Variants in GRIN2D observed in about 807,000 individuals in gnomAD.
GRIN2D encodes the protein glutamate receptor ionotropic, NMDA 2D.
GRIN2D carries 37 observed loss-of-function variants against 103.2 expected under a neutral mutation model. The observed-to-expected ratio is 0.36, with a 90% CI of 0.28 to 0.47. The LOEUF (loss-of-function observed/expected upper bound fraction) is 0.47, where lower values mean the gene tolerates loss of function less well. Ranked by LOEUF, GRIN2D falls within the 20% of genes least tolerant of loss-of-function variation. The pLI is 1.00. For synonymous variants in GRIN2D, 845 were observed against 885.6 expected (o/e 0.95, Z 0.81); for missense variants, 1,557 against 1,910.6 (o/e 0.81, Z 3.45).
At position 48,435,125 on chromosome 19, in the gene GRIN2D, G is replaced by C. The variant is rs4009665; in HGVS notation, c.2253-6644G>C. On this transcript the variant is annotated intron_variant, in intron 11 of 13. Transcript: ENST00000263269. Reference sequence around the variant, plus strand: ...GTGGCTTACACAACAGAAATGTATCGCCCCACAGTTGTAGAGGCTAGAAGG... The same window carrying C: ...GTGGCTTACACAACAGAAATGTATCCCCCCACAGTTGTAGAGGCTAGAAGG... 4.3e-3 allele frequency among the ~76,000 whole-genome samples: 654 copies of C among 152,000 alleles called. 10 individuals carry two copies. The highest frequency in any genetic ancestry group is 0.015 in the African/African-American group (634 of 41,452).
At chr19:48,397,381 C>T (rs537042877) in intron 2 of GRIN2D, among the ~76,000 whole-genome samples, 79 of 152,232 alleles carry the variant, frequency 5.2e-4, no homozygotes, top group Non-Finnish European at 9.1e-4. Flanking sequence ...CACTCGCCTT[C>T]CCCGCCTTAC....
At chr19:48,408,333 C>CA (rs35238683) in intron 4 of GRIN2D, among the ~76,000 whole-genome samples, 4,509 of 95,540 alleles carry the variant, frequency 0.047, 130 homozygotes, top group Middle Eastern at 0.1. Flanking sequence ...GACTCCATCT[C>CA]AAAAAAAAAA....
In GRIN2D at chr19:48,404,874, C is replaced by G. The variant is rs1352381286; in HGVS notation, c.606C>G (p.Ser202=). 1 of 1,614,216 alleles carries G rather than the reference C, an allele frequency of 6.2e-7. No homozygotes were observed. The highest frequency in any genetic ancestry group is 1.1e-5 in the South Asian group (1 of 91,090). The change falls in exon 4 of 14, where the codon TCC becomes TCG. Residue 202 remains serine (S), a synonymous_variant. Coordinates refer to ENST00000263269, the MANE Select transcript of GRIN2D (RefSeq NM_000836.4). ...CCCCTGGCCACCGGGCCTTCCTGTC[C>G]TACATTGAGGTGCTGACTGACGGTA... ...TRAPGHRAFL[S]YIEVLTDGSL...
chr19:48,409,431 C>A (rs180982729), intron 4 of GRIN2D, among the ~76,000 whole-genome samples: 1 of 152,030 alleles, frequency 6.6e-6, no homozygotes, highest in African/African-American at 2.4e-5. Context: ...GTGCCTGCCA[C>A]CACACCTGGC....
At chr19:48,415,577 AAGGGGG>A (rs1970937255) in intron 7 of GRIN2D, among the ~76,000 whole-genome samples, 1 of 106,530 alleles carries the variant, frequency 9.4e-6, no homozygotes, top group Non-Finnish European at 1.9e-5. Flanking sequence ...CTCCTAGGGG[AAGGGGG>A]CAGGGCTGGG....
In GRIN2D at chr19:48,404,995, A is replaced by G. The variant is rs1368886742; in HGVS notation, c.727A>G (p.Ile243Val). 1 of 1,612,376 alleles carries G rather than the reference A, an allele frequency of 6.2e-7. No homozygotes were observed. ...SAQLRSVSAQ[I>V]RLLFCAREEA... ...CCAGCTCCGCAGTGTCAGCGCGCAG[A>G]TCCGCCTGCTCTTCTGCGCCCGAGA... The change falls in exon 4 of 14, where the codon ATC becomes GTC. Residue 243 changes from isoleucine to valine, a missense_variant. Physicochemically the swap from Ile to Val is conservative, Grantham distance 29 (BLOSUM62 3). Around this residue, in one of 7 missense-constraint regions of GRIN2D, gnomAD observed 490 missense variants for 601.1 expected, o/e 0.82. Coordinates refer to ENST00000263269, the MANE Select transcript of GRIN2D (RefSeq NM_000836.4).
chr19:48,409,190 C>A (rs1970825395), intron 4 of GRIN2D, among the ~76,000 whole-genome samples: 1 of 151,824 alleles, frequency 6.6e-6, no homozygotes, highest in South Asian at 2.1e-4. Context: ...TGTGAGGGTA[C>A]TGGAGCCCCA....
chr19:48,412,421 A>AAAAGAAAGAAAGAAAGAAAG (rs57100057), intron 4 of GRIN2D, among the ~76,000 whole-genome samples: 5 of 123,330 alleles, frequency 4.1e-5, no homozygotes, highest in African/African-American at 6.2e-5. Context: ...AAAGAGAAAG[A>AAAAGAAAGAAAGAAAGAAAG]AAAGAAAGAA....
Position 48,443,018 on chromosome 19 carries a change from C to T in GRIN2D, c.3092C>T (p.Pro1031Leu), listed in dbSNP as rs1971321375. The change falls in exon 14 of 14, where the codon CCC becomes CTC. Residue 1031 changes from proline to leucine, a missense_variant. Around this residue, in one of 7 missense-constraint regions of GRIN2D, gnomAD observed 632 missense variants for 572.8 expected, o/e 1.10. Coordinates refer to ENST00000263269, the MANE Select transcript of GRIN2D (RefSeq NM_000836.4). The surrounding 1 kb of genome is among the most constrained non-coding windows in gnomAD (Gnocchi z 8.9). ...AGAFPGFPSP[P>L]APPAAAATAV... ...GCCTTCCCCGGCTTCCCGTCGCCGC[C>T]CGCGCCCCCCGCCGCCGCGGCCACC... is the stretch of plus-strand genomic sequence containing the variant. 2 of 1,064,996 alleles carry T rather than the reference C, an allele frequency of 1.9e-6. No individual in the cohort carries two copies. Among genetic ancestry groups the T allele is most frequent in the African/African-American group, 1.7e-5 (1 of 58,178 alleles). The allele number at this position is 1,064,996 out of a possible 1,614,324, so 66.0% of individuals were successfully genotyped here.
chr19:48,412,827 TAAA>T (rs201379585), intron 4 of GRIN2D, among the ~76,000 whole-genome samples: 5 of 98,888 alleles, frequency 5.1e-5, no homozygotes, highest in Admixed American at 1.1e-4. Context: ...AACCACACAT[TAAA>T]AAAAAAAAAA....
chr19:48,401,975 A>G (rs1387332228), intron 3 of GRIN2D, among the ~76,000 whole-genome samples: 3 of 151,988 alleles, frequency 2.0e-5, no homozygotes, highest in African/African-American at 7.2e-5. Flanking sequence ...TGGTGCATGC[A>G]TGTAATCCCA....
chr19:48,398,015 C>T (rs555581644), intron 2 of GRIN2D, among the ~76,000 whole-genome samples: 32 of 151,778 alleles, frequency 2.1e-4, no homozygotes, highest in Non-Finnish European at 4.3e-4. Context: ...CTCCCTTCCA[C>T]CTCCCTCTGC....
At chr19:48,428,498 G>A (rs1366796343) in intron 11 of GRIN2D, among the ~76,000 whole-genome samples, 1 of 151,832 alleles carries the variant, frequency 6.6e-6, no homozygotes, top group Non-Finnish European at 1.5e-5. Context: ...CTGTAGCTGA[G>A]ATTACAGGCG....
At chr19:48,406,732 A>G (rs984124342) in intron 4 of GRIN2D, among the ~76,000 whole-genome samples, 10 of 152,214 alleles carry the variant, frequency 6.6e-5, no homozygotes, top group African/African-American at 2.4e-4. Context: ...GCAACGCAGC[A>G]TGATGCTTGC....
rs1282309603 is a variant in GRIN2D, at chr19:48,441,868, C to T, written c.2352C>T (p.Phe784=). ...KLVTIGSGKV[F]ATTGYGIALH... is the part of the protein sequence containing the mutation. ...TCACCATCGGCTCCGGCAAGGTCTT[C>T]GCCACGACAGGCTATGGCATCGCCC... The change falls in exon 12 of 14, where the codon TTC becomes TTT. Residue 784 remains phenylalanine (F), a synonymous_variant. Coordinates refer to ENST00000263269, the MANE Select transcript of GRIN2D (RefSeq NM_000836.4). 7 of 1,613,792 alleles carry T rather than the reference C, an allele frequency of 4.3e-6. No individual in the cohort carries two copies. Among genetic ancestry groups the T allele is most frequent in the Non-Finnish European group, 5.9e-6 (7 of 1,180,008 alleles).
At chr19:48,432,984 T>C (rs891151564) in intron 11 of GRIN2D, among the ~76,000 whole-genome samples, 8 of 141,042 alleles carry the variant, frequency 5.7e-5, no homozygotes, top group Non-Finnish European at 1.2e-4. Flanking sequence ...AGAGGTGGGG[T>C]TTCACCATGT....
At chr19:48,412,791 A>AG (rs1970890992) in intron 4 of GRIN2D, among the ~76,000 whole-genome samples, 1 of 149,692 alleles carries the variant, frequency 6.7e-6, no homozygotes, top group Non-Finnish European at 1.5e-5. Flanking sequence ...CTCTGTCTCA[A>AG]GAAACAAAAA....
intron 2 of GRIN2D, among the ~76,000 whole-genome samples, chr19:48,395,533 A>AG (rs1190547402): frequency 2.0e-5 from 3 of 151,886 alleles, no homozygotes; most frequent in Admixed American, 6.6e-5. Flanking sequence ...AGGAAACGGG[A>AG]TGCCGTCTGC....
Position 48,394,195 on chromosome 19 carries a change from C to G in GRIN2D, c.-306+327C>G, listed in dbSNP as rs1569055338. Among the ~76,000 whole-genome samples, 1 of 148,906 alleles carries G rather than the reference C, an allele frequency of 6.7e-6. No individual in the cohort carries two copies. On this transcript the variant is annotated intron_variant, in intron 1 of 13. Transcript: ENST00000263269. The surrounding 1 kb of genome is among the most constrained non-coding windows in gnomAD (Gnocchi z 5.1). ...GACCCCCCACTCTGTGTGTGTGTGT[C>G]TGTGTGTGTGTCCCTCCTCAAGCTC...
Sources: allele counts gnomAD v4.1 joint callset (sites outside exome capture counted in the v4.1 genomes callset), GRCh38; gene constraint gnomAD v4.1.1; regional missense constraint gnomAD v4.1.1; non-coding constraint Gnocchi (gnomAD v3.1); transcripts MANE v1.5; gene names NCBI Gene and HGNC (gene_info 2026-07-23, HGNC 2026-07-21).